AKAP9: variants seen among roughly 807,000 people sequenced by gnomAD.
AKAP9 encodes the protein A-kinase anchoring protein 9.
Under a neutral mutation model 488.5 loss-of-function variants are expected in AKAP9, and 311 were observed. The observed-to-expected ratio is 0.64, with a 90% CI of 0.58 to 0.70. AKAP9 has a LOEUF of 0.70. Among genes scored for constraint, AKAP9 ranks in the 30% least tolerant of loss-of-function variants. AKAP9 has a pLI of 0.00. For missense variants in AKAP9, 4,215 were observed against 4,374.5 expected, an observed-to-expected ratio of 0.96 and a Z score of 1.03; for synonymous variants, 1,462 against 1,483.5, an observed-to-expected ratio of 0.99 and a Z score of 0.33.
rs760961518 is a variant in AKAP9, at chr7:92,014,328, G to A, written c.3612G>A (p.Gln1204=). 1.2e-6 allele frequency: 2 copies of A among 1,605,302 alleles called. No individual in the cohort carries two copies. Among genetic ancestry groups the A allele is most frequent in the Non-Finnish European group, 1.7e-6 (2 of 1,172,866 alleles). Residue 1204 remains glutamine (Q), a splice_region_variant and synonymous_variant, in exon 10 of 50, where the codon CAG becomes CAA. Coordinates refer to ENST00000356239, the MANE Select transcript of AKAP9 (RefSeq NM_005751.5). ...AVSEECSYFL[Q]TLCSVLGEYY... ...CTGAAGAATGTTCTTATTTTTTACA[G>A]GTAAAATGTTTAAAAGTACTTTTAT...
chr7:92,041,065 T>C lies in AKAP9; in HGVS notation c.4917+167T>C, dbSNP rs573140970. ...CATATATTTAGCATCAGGAACACAC[T>C]CTATACTAAGACAGCAGCTTTAGAT... is the stretch of plus-strand genomic sequence containing the variant. On this transcript the variant is annotated intron_variant, in intron 18 of 49. Transcript: ENST00000356239. 1.2e-4 allele frequency: 75 copies of C among 622,024 alleles called. No homozygotes were observed. In the African/African-American group the frequency reaches 1.3e-3, roughly 10 times the overall value. 38.5% of individuals were successfully genotyped at this position (622,024 alleles called of 1,614,324 possible).
intron 31 of AKAP9, among the ~76,000 whole-genome samples, chr7:92,080,765 A>G (rs1813411236): frequency 1.3e-5 from 2 of 152,206 alleles, no homozygotes; most frequent in Non-Finnish European, 1.5e-5. Flanking sequence ...TACCAAATAA[A>G]ATACAGAAAT....
intron 43 of AKAP9, among the ~76,000 whole-genome samples, chr7:92,099,221 G>A (rs763278209): frequency 1.3e-4 from 19 of 151,962 alleles, no homozygotes; most frequent in African/African-American, 2.4e-4. Context: ...TCCCTTAGTC[G>A]TTGCCTCCAT....
chr7:92,005,546 T>A (rs1799716413), intron 8 of AKAP9, among the ~76,000 whole-genome samples: 1 of 152,186 alleles, frequency 6.6e-6, no homozygotes, highest in Admixed American at 6.5e-5. Context: ...ATATATCATA[T>A]TTATGATCTT....
At chr7:92,048,000 TG>T (rs1807296303) in intron 21 of AKAP9, among the ~76,000 whole-genome samples, 1 of 152,168 alleles carries the variant, frequency 6.6e-6, no homozygotes, top group South Asian at 2.1e-4. Flanking sequence ...AAGGATATAT[TG>T]AGTTAATAGA....
chr7:92,045,026 TAA>T lies in AKAP9; in HGVS notation c.5182_5183del (p.Asn1728Ter). ...TATACAGGTATGCACTCCAGAAAGC[TAA>T]TAATAGACTTTTGAAGATCCTCTTA... is the stretch of plus-strand genomic sequence containing the variant. ...SNERYALQKA[N>X]NRLLKILLEV... On this transcript the variant is annotated frameshift_variant, in exon 21 of 50. Coordinates refer to ENST00000356239, the MANE Select transcript of AKAP9 (RefSeq NM_005751.5). LOFTEE classifies it high-confidence loss of function. 1.2e-6 allele frequency: 2 copies of T among 1,612,614 alleles called. No homozygotes were observed. The highest frequency in any genetic ancestry group is 1.7e-6 in the Non-Finnish European group (2 of 1,178,694).
chr7:92,077,064 T>A (rs1451274786), intron 29 of AKAP9, 57 bp downstream of exon 29: 1 of 734,400 alleles, frequency 1.4e-6, no homozygotes, highest in Non-Finnish European at 1.9e-6. Context: ...AGTCCTATAT[T>A]GCTTTATTAT....
At chr7:92,023,280 C>T (rs750754078) in intron 14 of AKAP9, among the ~76,000 whole-genome samples, 3 of 152,106 alleles carry the variant, frequency 2.0e-5, no homozygotes, top group Admixed American at 6.5e-5. Flanking sequence ...TTAATTAAAT[C>T]GGCAGTGTGC....
Position 92,109,502 on chromosome 7 carries a change from G to C in AKAP9, c.11687-620G>C, listed in dbSNP as rs568911416. ...AAGACCCAGATTTTGAAGACCAAAA[G>C]ATTTTTCAAAAATGTATGAGGTATA... On this transcript the variant is annotated intron_variant, in intron 49 of 49. Transcript: ENST00000356239. Among the ~76,000 whole-genome samples, 5 of 152,234 alleles carry C rather than the reference G, an allele frequency of 3.3e-5. No individual in the cohort carries two copies. In the East Asian group the frequency reaches 9.7e-4, roughly 29 times the overall value.
At chr7:92,074,407 G>A (rs535045147) in intron 28 of AKAP9, among the ~76,000 whole-genome samples, 1 of 152,294 alleles carries the variant, frequency 6.6e-6, no homozygotes, top group South Asian at 2.1e-4. Flanking sequence ...CCTTTACACT[G>A]TTGATGGGAG....
chr7:92,075,631 C>T (rs528494196), intron 28 of AKAP9, among the ~76,000 whole-genome samples: 1 of 152,364 alleles, frequency 6.6e-6, no homozygotes, highest in Admixed American at 6.5e-5. Context: ...AAGCAAATTA[C>T]TCCTCTCTGT....
rs1799250205 is a variant in AKAP9 at position 92,002,129 on chromosome 7, A to G, written c.2212A>G (p.Lys738Glu). The change falls in exon 8 of 50, where the codon AAG becomes GAG. Residue 738 changes from lysine to glutamate, a missense_variant. Coordinates refer to ENST00000356239, the MANE Select transcript of AKAP9 (RefSeq NM_005751.5). Reference protein sequence around the residue: ...IEILRQEEKEKGTLEQEVQEL... With the variant: ...IEILRQEEKEEGTLEQEVQEL... ...AATACTCAGACAAGAAGAAAAAGAA[A>G]AGGGTACACTTGAACAAGAAGTTCA... 2 of 1,593,090 alleles carry G rather than the reference A, an allele frequency of 1.3e-6. No individual in the cohort carries two copies. Among genetic ancestry groups the G allele is most frequent in the African/African-American group, 1.4e-5 (1 of 73,474 alleles).
chr7:92,007,994 TAA>T (rs1800150383), intron 8 of AKAP9, among the ~76,000 whole-genome samples: 1 of 152,134 alleles, frequency 6.6e-6, no homozygotes, highest in South Asian at 2.1e-4. Flanking sequence ...AAGGAAATAA[TAA>T]AGTTAAGAAC....
At chr7:92,068,248 C>T (rs1006563824) in intron 26 of AKAP9, among the ~76,000 whole-genome samples, 1 of 151,226 alleles carries the variant, frequency 6.6e-6, no homozygotes, top group South Asian at 2.1e-4. Flanking sequence ...CACCTGTAGT[C>T]CTAGCTACTC....
chr7:92,071,972 T>C (rs1353464077), intron 28 of AKAP9, among the ~76,000 whole-genome samples: 1 of 55,146 alleles, frequency 1.8e-5, no homozygotes, highest in Admixed American at 1.6e-4. Flanking sequence ...TGACTTTTGA[T>C]TTTTTTTATT....
At chr7:92,020,213 C>T (rs1164935023) in intron 12 of AKAP9, among the ~76,000 whole-genome samples, 4 of 152,096 alleles carry the variant, frequency 2.6e-5, no homozygotes, top group Non-Finnish European at 5.9e-5. Flanking sequence ...CACTGTGTAA[C>T]CTTTTGGCTT....
intron 1 of AKAP9, among the ~76,000 whole-genome samples, chr7:91,950,105 G>C (rs1792002537): frequency 6.6e-6 from 1 of 151,976 alleles, no homozygotes; most frequent in Admixed American, 6.6e-5. Context: ...AAACTAATAG[G>C]GTATAAAATC....
At chr7:92,044,653 C>A (rs1379651122) in intron 20 of AKAP9, among the ~76,000 whole-genome samples, 1 of 152,120 alleles carries the variant, frequency 6.6e-6, no homozygotes, top group African/African-American at 2.4e-5. Flanking sequence ...TGCTTTGGCA[C>A]TACCATACTT....
At chr7:91,959,342 T>C (rs1242262029) in intron 1 of AKAP9, among the ~76,000 whole-genome samples, 1 of 151,976 alleles carries the variant, frequency 6.6e-6, no homozygotes, top group Non-Finnish European at 1.5e-5. Context: ...CAGGCTGGAG[T>C]GGAGTGCGGT....
Sources: gnomAD v4.1 joint callset for allele counts (sites outside exome capture counted in the v4.1 genomes callset) on GRCh38, gnomAD v4.1.1 for gene constraint, MANE v1.5 for transcripts, NCBI Gene and HGNC (gene_info 2026-07-23, HGNC 2026-07-21) for gene names.